Variants in BOLL observed in about 807,000 individuals in gnomAD.
The protein encoded by BOLL is protein boule-like.
A neutral mutation model predicts 44.4 loss-of-function variants in BOLL; 23 were observed. The ratio of observed to expected loss-of-function variants is 0.52; its 90% CI spans 0.37 to 0.73. BOLL has a LOEUF of 0.73. BOLL is among the 30% of genes least tolerant of loss of function. The probability of loss-of-function intolerance (pLI) is 0.00; values close to 1 mark genes in which losing one functional copy is unlikely to be tolerated. For synonymous variants in BOLL, 97 were observed against 110.8 expected, an observed-to-expected ratio of 0.88 and a Z score of 0.78; for missense variants, 287 against 338.3, an observed-to-expected ratio of 0.85 and a Z score of 1.19.
At chr2:197,770,657 A>G (rs1333465875) in intron 6 of BOLL, among the ~76,000 whole-genome samples, 1 of 152,130 alleles carries the variant, frequency 6.6e-6, no homozygotes, top group Non-Finnish European at 1.5e-5. Flanking sequence ...CAAGAAAAAA[A>G]TCAAACAACC....
intron 10 of BOLL, among the ~76,000 whole-genome samples, chr2:197,734,270 C>T (rs1357837620): frequency 1.3e-5 from 2 of 151,898 alleles, no homozygotes; most frequent in East Asian, 3.9e-4. Context: ...GAGATACCAT[C>T]TCACACCAGT....
intron 6 of BOLL, 54 bp downstream of exon 6, chr2:197,771,801 A>C: frequency 6.9e-7 from 1 of 1,452,098 alleles, no homozygotes; most frequent in Admixed American, 2.5e-5. Flanking sequence ...TATAACAAAC[A>C]TTAAAAAATT....
chr2:197,785,732 TC>T (rs1358206328), upstream of BOLL, among the ~76,000 whole-genome samples: 1 of 152,044 alleles, frequency 6.6e-6, no homozygotes, highest in Admixed American at 6.5e-5. This position sits in a 1 kb window ranked among gnomAD's most constrained non-coding sequence, Gnocchi z 6.7. Flanking sequence ...ACGCCTGAGG[TC>T]CCCTGGCCCG....
In BOLL at chr2:197,785,142, C is replaced by T. The variant is rs1690010908; in HGVS notation, c.-102G>A. 2.0e-6 allele frequency: 2 copies of T among 986,020 alleles called. No individual in the cohort carries two copies. Among genetic ancestry groups the T allele is most frequent in the South Asian group, 4.7e-5 (1 of 21,290 alleles). 61.1% of individuals were successfully genotyped at this position (986,020 alleles called of 1,614,324 possible). ...GAAATGGCCGCGGCGACAACTTCCTCGAGTTCTCTCGGGTCATCGTGAACT... is the reference window on the plus strand; with the variant it reads ...GAAATGGCCGCGGCGACAACTTCCTTGAGTTCTCTCGGGTCATCGTGAACT... On this transcript the variant is annotated 5_prime_UTR_variant, in exon 1 of 11. Transcript: ENST00000392296. The surrounding 1 kb of genome is among the most constrained non-coding windows in gnomAD (Gnocchi z 6.7).
chr2:197,785,886 G>T, upstream of BOLL: 1 of 1,042,926 alleles, frequency 9.6e-7, no homozygotes, highest in Non-Finnish European at 1.5e-6. This position sits in a 1 kb window ranked among gnomAD's most constrained non-coding sequence, Gnocchi z 6.7. Context: ...GAGCGTTTGG[G>T]GCCTTCACCT....
At chr2:197,747,120 C>CAA (rs1216976089) in intron 9 of BOLL, among the ~76,000 whole-genome samples, 1 of 151,128 alleles carries the variant, frequency 6.6e-6, no homozygotes, top group African/African-American at 2.4e-5. Flanking sequence ...TCACCACAAA[C>CAA]AAAAAAAAGG....
intron 10 of BOLL, 152 bp from the exon 11 acceptor site, chr2:197,728,730 T>C (rs1686967326): frequency 7.4e-6 from 4 of 541,858 alleles, no homozygotes; most frequent in Non-Finnish European, 1.2e-5. Flanking sequence ...AGTGAGAGGC[T>C]AGCAATTTAG....
intron 6 of BOLL, among the ~76,000 whole-genome samples, chr2:197,767,296 T>TA (rs1010333035): frequency 5.3e-5 from 8 of 151,990 alleles, no homozygotes; most frequent in African/African-American, 1.9e-4. Context: ...ATGTAGCAAT[T>TA]AAAATTCAGT....
intron 10 of BOLL, among the ~76,000 whole-genome samples, chr2:197,742,390 A>C (rs1478830543): frequency 2.0e-5 from 3 of 152,196 alleles, no homozygotes; most frequent in African/African-American, 7.2e-5. Context: ...CACTATTCAC[A>C]ATAGCAAAGA....
intron 10 of BOLL, among the ~76,000 whole-genome samples, chr2:197,737,279 CTTTTCTG>C (rs540170909): frequency 8.5e-4 from 130 of 152,106 alleles, no homozygotes; most frequent in African/African-American, 3.0e-3. Context: ...ATAATACATA[CTTTTCTG>C]TTTACTCATC....
chr2:197,755,030 G>A (rs1017087295), intron 9 of BOLL, among the ~76,000 whole-genome samples: 1 of 151,928 alleles, frequency 6.6e-6, no homozygotes, highest in Non-Finnish European at 1.5e-5. Context: ...TAATGTACAA[G>A]GAATTTAAAC....
chr2:197,754,750 A>AACACACACACACACACAC (rs142614771), intron 9 of BOLL, among the ~76,000 whole-genome samples: 23 of 150,086 alleles, frequency 1.5e-4, no homozygotes, highest in African/African-American at 5.6e-4. Context: ...AAAACCCCAA[A>AACACACACACACACACAC]ACACACACAC....
At position 197,727,666 on chromosome 2, in the gene BOLL, A is replaced by G. The variant is rs1027085388; in HGVS notation, c.*889T>C. On this transcript the variant is annotated 3_prime_UTR_variant, in exon 11 of 11. Transcript: ENST00000392296. ...GAATATATTGGTTGCATATCAGAAGAAAAGGTTTAAGGATTAAAGCATTCA... is the reference window on the plus strand; with the variant it reads ...GAATATATTGGTTGCATATCAGAAGGAAAGGTTTAAGGATTAAAGCATTCA... The G allele has an allele frequency of 1.3e-5, 2 of 152,364 alleles. No individual in the cohort carries two copies. Among genetic ancestry groups the G allele is most frequent in the Admixed American group, 1.3e-4 (2 of 15,286 alleles). The allele number at this position is 152,364 out of a possible 1,614,324, so 9.4% of individuals were successfully genotyped here. A position where few individuals can be genotyped will look rare whatever the true frequency, so the allele number is the denominator to read the frequency against.
chr2:197,743,184 AT>A, intron 9 of BOLL, 25 bp from the exon 10 acceptor site: 1 of 1,503,440 alleles, frequency 6.7e-7, no homozygotes, highest in African/African-American at 1.4e-5. Context: ...GAGAGAAAAA[AT>A]GTCACCTTTC....
At chr2:197,729,905 T>C (rs1186423109) in intron 10 of BOLL, among the ~76,000 whole-genome samples, 141 of 151,900 alleles carry the variant, frequency 9.3e-4, no homozygotes, top group South Asian at 2.5e-3. Flanking sequence ...AAGCAGAGTG[T>C]CTCTCCTCCT....
chr2:197,735,141 A>G (rs189807814), intron 10 of BOLL, among the ~76,000 whole-genome samples: 130 of 152,180 alleles, frequency 8.5e-4, no homozygotes, highest in African/African-American at 3.0e-3. Flanking sequence ...GATAAGATCA[A>G]GGGGAAATGT....
rs570905935 is a variant in BOLL at position 197,746,629 on chromosome 2, C to T, written c.730-3470G>A. 4.6e-5 allele frequency among the ~76,000 whole-genome samples: 7 copies of T among 152,190 alleles called. No homozygotes were observed. The East Asian group carries it at 1.4e-3, about 29-fold the overall frequency. On this transcript the variant is annotated intron_variant, in intron 9 of 10. Coordinates refer to ENST00000392296, the MANE Select transcript of BOLL (RefSeq NM_033030.6). Reference sequence around the variant, plus strand: ...TCATAGAAGCAGAGAGGGCCAGGTGCGGTGGCTTATGCCTGTAATCCCAGC... The same window carrying T: ...TCATAGAAGCAGAGAGGGCCAGGTGTGGTGGCTTATGCCTGTAATCCCAGC...
At chr2:197,731,211 CAAAG>C (rs1428419249) in intron 10 of BOLL, among the ~76,000 whole-genome samples, 1 of 151,760 alleles carries the variant, frequency 6.6e-6, no homozygotes, top group Admixed American at 6.6e-5. Context: ...TCAAAAGAGA[CAAAG>C]AAGGCCATTA....
intron 7 of BOLL, among the ~76,000 whole-genome samples, chr2:197,760,419 A>G (rs1688701175): frequency 6.6e-6 from 1 of 152,210 alleles, no homozygotes; most frequent in African/African-American, 2.4e-5. Flanking sequence ...AGGCCAGCGA[A>G]GGAGCCATGT....
Sources: gnomAD v4.1 joint callset for allele counts (sites outside exome capture counted in the v4.1 genomes callset) on GRCh38, gnomAD v4.1.1 for gene constraint, Gnocchi (gnomAD v3.1) non-coding constraint, MANE v1.5 for transcripts, NCBI Gene and HGNC (gene_info 2026-07-23, HGNC 2026-07-21) for gene names.